Variants in EXOC4 observed in about 807,000 individuals in gnomAD.
EXOC4 encodes the protein exocyst complex component 4.
Under a neutral mutation model 107.2 loss-of-function variants are expected in EXOC4, and 71 were observed. That is an observed-to-expected ratio of 0.66 (90% CI 0.55 to 0.81). The LOEUF (loss-of-function observed/expected upper bound fraction) is 0.81, where lower values mean the gene tolerates loss of function less well. Ranked by LOEUF, EXOC4 falls within the 30% of genes least tolerant of loss-of-function variation. The probability of loss-of-function intolerance (pLI) is 0.00; values close to 1 mark genes in which losing one functional copy is unlikely to be tolerated. For missense variants in EXOC4, 1,108 were observed against 1,189.6 expected (o/e 0.93, Z 1.01); for synonymous variants, 456 against 441.2 (o/e 1.03, Z -0.42).
intron 9 of EXOC4, among the ~76,000 whole-genome samples, chr7:133,603,532 G>T (rs1801858325): frequency 6.6e-6 from 1 of 152,168 alleles, no homozygotes; most frequent in South Asian, 2.1e-4. Flanking sequence ...TATAGTTTAT[G>T]ATATGCCTGC....
intron 1 of EXOC4, 81 bp from the exon 2 acceptor site, chr7:133,274,901 C>G: frequency 8.7e-7 from 1 of 1,147,148 alleles, no homozygotes; most frequent in Non-Finnish European, 1.2e-6. Context: ...CTTCCTTTTG[C>G]ATTTTACTTT....
At chr7:133,370,118 A>G (rs1451683528) in intron 6 of EXOC4, among the ~76,000 whole-genome samples, 1 of 148,418 alleles carries the variant, frequency 6.7e-6, no homozygotes, top group African/African-American at 2.5e-5. Context: ...ATTTCACTTT[A>G]ATTCTCTCTC....
chr7:133,484,240 AC>A (rs1308723710), intron 9 of EXOC4: 3 of 1,390,280 alleles, frequency 2.2e-6, no homozygotes, highest in African/African-American at 2.9e-5. Flanking sequence ...ATAGGCTCTA[AC>A]TGTTATGGTA....
intron 10 of EXOC4, among the ~76,000 whole-genome samples, chr7:133,639,713 C>G (rs1802804760): frequency 6.6e-6 from 1 of 152,020 alleles, no homozygotes; most frequent in Non-Finnish European, 1.5e-5. Context: ...GTCTGACTTT[C>G]TTGTTGCACT....
At chr7:133,949,779 T>C (rs1800646899) in intron 14 of EXOC4, among the ~76,000 whole-genome samples, 1 of 152,194 alleles carries the variant, frequency 6.6e-6, no homozygotes, top group Non-Finnish European at 1.5e-5. Context: ...TCCACCAACT[T>C]TTCTTATCTC....
At position 133,310,430 on chromosome 7, in the gene EXOC4, G is replaced by T. The variant is rs536983278; in HGVS notation, c.656+4369G>T. ...CTAGAATAACATTGTGTCCTTCAAG[G>T]TCCTCTGCTGATGAGAGAAAAAAAA... On this transcript the variant is annotated intron_variant, in intron 4 of 17. Transcript: ENST00000253861. Among the ~76,000 whole-genome samples, 5 of 152,254 alleles carry T rather than the reference G, an allele frequency of 3.3e-5. No homozygotes were observed. The South Asian group carries it at 6.2e-4, about 19-fold the overall frequency.
the EXOC4 span, among the ~76,000 whole-genome samples, chr7:134,099,085 C>T: frequency 1.3e-5 from 2 of 152,040 alleles, no homozygotes; most frequent in Non-Finnish European, 2.9e-5. Flanking sequence ...TAAGTCTTAA[C>T]CCCCCAGTAC....
chr7:133,657,175 T>G (rs1257402245), intron 10 of EXOC4, among the ~76,000 whole-genome samples: 1 of 152,114 alleles, frequency 6.6e-6, no homozygotes, highest in Non-Finnish European at 1.5e-5. Context: ...GTGAATGAAG[T>G]TCAGCAAATG....
chr7:133,715,560 TAGTA>T (rs1488978015), intron 10 of EXOC4, among the ~76,000 whole-genome samples: 3 of 152,132 alleles, frequency 2.0e-5, no homozygotes, highest in Non-Finnish European at 4.4e-5. Flanking sequence ...TAAAAAGTTA[TAGTA>T]ATTCAGTCAT....
intron 14 of EXOC4, among the ~76,000 whole-genome samples, chr7:133,979,526 G>A (rs1225853273): frequency 1.3e-5 from 2 of 152,060 alleles, no homozygotes; most frequent in South Asian, 2.1e-4. Context: ...GGTGGCTCAC[G>A]CCTGTAATCC....
chr7:133,632,764 G>T (rs1802620067), intron 10 of EXOC4, among the ~76,000 whole-genome samples: 1 of 151,816 alleles, frequency 6.6e-6, no homozygotes, highest in Admixed American at 6.6e-5. Flanking sequence ...GTGGTCTCTT[G>T]TTCAGATGTA....
chr7:133,847,396 TG>T (rs59823188), intron 11 of EXOC4, among the ~76,000 whole-genome samples: 122,607 of 142,068 alleles, frequency 0.86, 51,662 homozygotes, highest in East Asian at 0.99. Context: ...TTTTTTTTTT[TG>T]GAGACTGAGT....
intron 2 of EXOC4, among the ~76,000 whole-genome samples, chr7:133,286,796 T>A (rs1323565622): frequency 6.6e-6 from 1 of 152,194 alleles, no homozygotes; most frequent in Non-Finnish European, 1.5e-5. Flanking sequence ...GTTTAATATG[T>A]CCCACTTTGA....
intron 6 of EXOC4, among the ~76,000 whole-genome samples, chr7:133,361,396 T>C (rs1216481361): frequency 6.6e-6 from 1 of 152,192 alleles, no homozygotes; most frequent in Non-Finnish European, 1.5e-5. Flanking sequence ...TTCTCCTGCC[T>C]CAGCCTCCCA....
intron 10 of EXOC4, among the ~76,000 whole-genome samples, chr7:133,699,267 A>G (rs1156504380): frequency 1.3e-5 from 2 of 151,988 alleles, no homozygotes; most frequent in Admixed American, 6.5e-5. Context: ...TCCGCCTGAC[A>G]CTTTCCTAGA....
chr7:133,570,303 A>G (rs1323755263), intron 9 of EXOC4, among the ~76,000 whole-genome samples: 1 of 152,194 alleles, frequency 6.6e-6, no homozygotes, highest in Non-Finnish European at 1.5e-5. Context: ...GTTAGTGATC[A>G]TCCAGTTTAG....
At chr7:133,622,372 G>T (rs1407972469) in intron 9 of EXOC4, among the ~76,000 whole-genome samples, 1 of 152,088 alleles carries the variant, frequency 6.6e-6, no homozygotes, top group Non-Finnish European at 1.5e-5. Context: ...TTTCTTGAAG[G>T]TTGCAAACCT....
chr7:133,344,702 A>G (rs867679058), intron 5 of EXOC4, among the ~76,000 whole-genome samples: 4 of 152,284 alleles, frequency 2.6e-5, no homozygotes, highest in Middle Eastern at 3.4e-3. Flanking sequence ...TCCCATCCCT[A>G]TAGTCAGCTC....
At chr7:133,908,925 T>G (rs1799627218) in intron 12 of EXOC4, among the ~76,000 whole-genome samples, 1 of 152,106 alleles carries the variant, frequency 6.6e-6, no homozygotes. Flanking sequence ...GCCGTGGTGG[T>G]GTGCTGCACC....
Sources: allele counts gnomAD v4.1 joint callset (sites outside exome capture counted in the v4.1 genomes callset), GRCh38; gene constraint gnomAD v4.1.1; transcripts MANE v1.5; gene names NCBI Gene and HGNC (gene_info 2026-07-23, HGNC 2026-07-21).